The following CDC42BPB variants were observed in gnomAD, a reference collection of about 807,000 sequenced individuals.
CDC42BPB encodes the protein CDC42 binding protein kinase beta.
CDC42BPB carries 37 observed loss-of-function variants against 214.9 expected under a neutral mutation model. The observed-to-expected ratio is 0.17, with a 90% CI of 0.13 to 0.23. The LOEUF (loss-of-function observed/expected upper bound fraction) is 0.23. CDC42BPB is among the 10% of genes least tolerant of loss of function. CDC42BPB has a pLI of 1.00. For missense variants in CDC42BPB, 1,694 were observed against 2,227.0 expected, an observed-to-expected ratio of 0.76 and a Z score of 4.82; for synonymous variants, 931 against 884.0, an observed-to-expected ratio of 1.05 and a Z score of -0.94.
chr14:102,993,425 G>C (rs1413989126), intron 5 of CDC42BPB, among the ~76,000 whole-genome samples: 1 of 152,096 alleles, frequency 6.6e-6, no homozygotes, highest in Non-Finnish European at 1.5e-5. Context: ...AGCACTTTTG[G>C]GGACATCTAA....
At position 102,933,084 on chromosome 14, in the gene CDC42BPB, C is replaced by A. The variant is rs1595437910; in HGVS notation, c.*628G>T. ...ACAGTAGTAGATACTGGTGACACTTCATGGCTGCGACCCAGAATGAACTTA... is the reference window on the plus strand; with the variant it reads ...ACAGTAGTAGATACTGGTGACACTTAATGGCTGCGACCCAGAATGAACTTA... On this transcript the variant is annotated 3_prime_UTR_variant, in exon 37 of 37. Coordinates refer to ENST00000361246, the MANE Select transcript of CDC42BPB (RefSeq NM_006035.4). 1 of 152,492 alleles carries A rather than the reference C, an allele frequency of 6.6e-6. No homozygotes were observed. Among genetic ancestry groups the A allele is most frequent in the Non-Finnish European group, 1.5e-5 (1 of 68,050 alleles). 9.4% of individuals were successfully genotyped at this position (152,492 alleles called of 1,614,324 possible). A position where few individuals can be genotyped will look rare whatever the true frequency, so the allele number is the denominator to read the frequency against.
chr14:102,964,026 G>A (rs1350283681), intron 19 of CDC42BPB, among the ~76,000 whole-genome samples: 1 of 152,106 alleles, frequency 6.6e-6, no homozygotes, highest in African/African-American at 2.4e-5. Flanking sequence ...TCACTGCTGT[G>A]TGAAAATGGC....
intron 1 of CDC42BPB, among the ~76,000 whole-genome samples, chr14:103,029,404 G>C (rs938469222): frequency 6.6e-6 from 1 of 151,838 alleles, no homozygotes; most frequent in African/African-American, 2.4e-5. Context: ...TTAGCTGGGC[G>C]TGGTGGCAGG....
rs1224619348 is a variant in CDC42BPB at position 103,004,741 on chromosome 14, T to C, written c.352-718A>G. 6.6e-6 allele frequency among the ~76,000 whole-genome samples: 1 copy of C among 151,944 alleles called. No homozygotes were observed. The highest frequency in any genetic ancestry group is 1.5e-5 in the Non-Finnish European group (1 of 67,968). ...AAAACTAGCCAGGTGTGGTGGCAGG[T>C]GCCTGTAATCCCAGCTACATGGGAG... On this transcript the variant is annotated intron_variant, in intron 3 of 36. Transcript: ENST00000361246. The surrounding 1 kb of genome is among the most constrained non-coding windows in gnomAD (Gnocchi z 5.3).
intron 1 of CDC42BPB, among the ~76,000 whole-genome samples, chr14:103,047,574 T>A (rs1888364080): frequency 6.6e-6 from 1 of 152,102 alleles, no homozygotes; most frequent in South Asian, 2.1e-4. Flanking sequence ...TAGAATTCTG[T>A]ACGCAGGCAA....
At chr14:103,034,675 A>G (rs573336597) in intron 1 of CDC42BPB, among the ~76,000 whole-genome samples, 1 of 152,206 alleles carries the variant, frequency 6.6e-6, no homozygotes, top group Admixed American at 6.5e-5. Context: ...AAAATTAGCC[A>G]GGTGTGATGA....
intron 30 of CDC42BPB, chr14:102,941,122 C>T (rs1280697943): frequency 1.0e-6 from 1 of 985,338 alleles, no homozygotes; most frequent in Non-Finnish European, 1.2e-6. Flanking sequence ...GTCTTCCGCT[C>T]AGTCCCTCTG....
chr14:102,994,114 T>G (rs867050313), intron 5 of CDC42BPB, among the ~76,000 whole-genome samples: 1 of 152,070 alleles, frequency 6.6e-6, no homozygotes, highest in Non-Finnish European at 1.5e-5. Flanking sequence ...ACAGGTGTTC[T>G]ATGGACCGAG....
chr14:102,935,764 C>CA (rs55833197), intron 36 of CDC42BPB, among the ~76,000 whole-genome samples: 4,808 of 74,152 alleles, frequency 0.065, 185 homozygotes, highest in African/African-American at 0.11. Context: ...CACTCTGTCT[C>CA]AAAAAAAAAA....
At chr14:103,036,446 C>T (rs962844912) in intron 1 of CDC42BPB, among the ~76,000 whole-genome samples, 7 of 152,092 alleles carry the variant, frequency 4.6e-5, no homozygotes, top group Admixed American at 6.6e-5. Context: ...TGAGCCACCG[C>T]GCCCAGCCTA....
intron 5 of CDC42BPB, among the ~76,000 whole-genome samples, chr14:102,991,628 G>T (rs944058529): frequency 6.6e-6 from 1 of 152,208 alleles, no homozygotes; most frequent in Non-Finnish European, 1.5e-5. Context: ...TTAGATGGGT[G>T]AGGAAAAATC....
chr14:103,036,183 C>T (rs1277768221), intron 1 of CDC42BPB, among the ~76,000 whole-genome samples: 3 of 146,630 alleles, frequency 2.0e-5, no homozygotes, highest in East Asian at 4.0e-4. Context: ...GTGGGAGTCT[C>T]GCTCTGTCGC....
rs190020601 is a variant in CDC42BPB at position 102,954,070 on chromosome 14, C to T, written c.3066+128G>A. On this transcript the variant is annotated intron_variant, in intron 23 of 36. Transcript: ENST00000361246. ...CAACTTTCCTACAGAACATGAGGGT[C>T]GCTACTGTGTGTATGCAAAAATGAC... 2.7e-5 allele frequency: 19 copies of T among 696,660 alleles called. No individual in the cohort carries two copies. The Admixed American group carries it at 4.3e-4, about 16-fold the overall frequency. 43.2% of individuals were successfully genotyped at this position (696,660 alleles called of 1,614,324 possible).
intron 17 of CDC42BPB, 58 bp downstream of exon 17, chr14:102,966,988 G>A (rs373036232): frequency 6.4e-6 from 10 of 1,574,784 alleles, no homozygotes; most frequent in Middle Eastern, 2.3e-4. Context: ...AGGCGGGGCA[G>A]ACCCCATGGA....
At position 102,932,926 on chromosome 14, in the gene CDC42BPB, T is replaced by C. The variant is rs1891460201; in HGVS notation, c.*786A>G. 1 of 149,722 alleles carries C rather than the reference T, an allele frequency of 6.7e-6. No homozygotes were observed. The highest frequency in any genetic ancestry group is 2.5e-5 in the African/African-American group (1 of 40,086). 9.3% of individuals were successfully genotyped at this position (149,722 alleles called of 1,614,324 possible). A position where few individuals can be genotyped will look rare whatever the true frequency, so the allele number is the denominator to read the frequency against. Reference sequence around the variant, plus strand: ...CGGGGTGGGGTATCCCAGTGGCTGCTTCGTGGCGCCCTGGGGCTCTGACTT... The same window carrying C: ...CGGGGTGGGGTATCCCAGTGGCTGCCTCGTGGCGCCCTGGGGCTCTGACTT... On this transcript the variant is annotated 3_prime_UTR_variant, in exon 37 of 37. Coordinates refer to ENST00000361246, the MANE Select transcript of CDC42BPB (RefSeq NM_006035.4).
intron 8 of CDC42BPB, among the ~76,000 whole-genome samples, chr14:102,979,303 C>T (rs1317164318): frequency 1.3e-5 from 2 of 151,764 alleles, no homozygotes; most frequent in Non-Finnish European, 2.9e-5. Flanking sequence ...ACTTCCACCT[C>T]TTGGGTTCAA....
intron 5 of CDC42BPB, among the ~76,000 whole-genome samples, chr14:102,990,557 G>GT (rs1566886201): frequency 6.6e-6 from 1 of 152,164 alleles, no homozygotes. Context: ...ACAGGTAGAC[G>GT]TGTGTGTCCA....
In CDC42BPB at chr14:103,057,364, G is replaced by C. The variant is rs1479649174; in HGVS notation, c.-191C>G. 1.0e-6 allele frequency: 1 copy of C among 999,688 alleles called. No homozygotes were observed. Among genetic ancestry groups the C allele is most frequent in the East Asian group, 1.0e-4 (1 of 10,036 alleles). 61.9% of individuals were successfully genotyped at this position (999,688 alleles called of 1,614,324 possible). On this transcript the variant is annotated 5_prime_UTR_variant, in exon 1 of 37. Transcript: ENST00000361246. ...CTCCGTCCCGACGGCGCAGAGTCTG[G>C]GGCGCCGGGCCCCGCGGGTCCATGG...
At chr14:102,983,960 C>T (rs1894122857) in intron 6 of CDC42BPB, 1 of 914,936 alleles carries the variant, frequency 1.1e-6, no homozygotes, top group Non-Finnish European at 1.3e-6. Flanking sequence ...GAGGCTGAGG[C>T]CGGAGAACCG....
Sources: gnomAD v4.1 joint callset for allele counts (sites outside exome capture counted in the v4.1 genomes callset) on GRCh38, gnomAD v4.1.1 for gene constraint, Gnocchi (gnomAD v3.1) non-coding constraint, MANE v1.5 for transcripts, NCBI Gene and HGNC (gene_info 2026-07-23, HGNC 2026-07-21) for gene names.